Variants in DPP10 observed in about 807,000 individuals in gnomAD.
DPP10 encodes dipeptidyl peptidase like 10.
DPP10 carries 33 observed loss-of-function variants against 120.9 expected under a neutral mutation model. The ratio of observed to expected loss-of-function variants is 0.27; its 90% CI spans 0.21 to 0.37. DPP10 has a LOEUF of 0.37. Among genes scored for constraint, DPP10 ranks in the 10% least tolerant of loss-of-function variants. The pLI, the probability that DPP10 is intolerant of heterozygous loss-of-function variation, is 1.00. For missense variants in DPP10, 816 were observed against 942.8 expected, an observed-to-expected ratio of 0.87 and a Z score of 1.76; for synonymous variants, 337 against 326.1, an observed-to-expected ratio of 1.03 and a Z score of -0.36.
intron 1 of DPP10, among the ~76,000 whole-genome samples, chr2:114,624,817 A>C (rs1006610113): frequency 5.9e-5 from 9 of 151,996 alleles, no homozygotes; most frequent in Non-Finnish European, 1.2e-4. Context: ...ATAGTATAAC[A>C]ATAGGATAAT....
intron 1 of DPP10, among the ~76,000 whole-genome samples, chr2:115,188,084 A>AGAGAGC (rs1166111495): frequency 3.3e-5 from 5 of 150,960 alleles, no homozygotes; most frequent in South Asian, 2.1e-4. Flanking sequence ...AGAGAGAGAG[A>AGAGAGC]GCGCACTCAG....
chr2:115,196,805 G>A (rs1430829768), intron 1 of DPP10, among the ~76,000 whole-genome samples: 1 of 152,104 alleles, frequency 6.6e-6, no homozygotes, highest in Non-Finnish European at 1.5e-5. Flanking sequence ...GTGTGGGTGT[G>A]GTATGCAAGC....
At chr2:114,476,186 G>A (rs1680356751) in intron 1 of DPP10, among the ~76,000 whole-genome samples, 1 of 152,062 alleles carries the variant, frequency 6.6e-6, no homozygotes, top group Non-Finnish European at 1.5e-5. Flanking sequence ...ACTAATCATG[G>A]CTTTCATTTT....
intron 3 of DPP10, among the ~76,000 whole-genome samples, chr2:115,498,178 G>A (rs1342999852): frequency 6.6e-6 from 1 of 152,000 alleles, no homozygotes; most frequent in Non-Finnish European, 1.5e-5. Context: ...ATGTGATTAA[G>A]GTCAAGAACT....
At chr2:115,162,411 T>C in intron 1 of DPP10, 1 of 1,247,756 alleles carries the variant, frequency 8.0e-7, no homozygotes, top group South Asian at 1.6e-5. Flanking sequence ...TGACGGCCGC[T>C]CACCGGGTTC....
At chr2:114,810,242 T>C (rs1362663420) in intron 1 of DPP10, among the ~76,000 whole-genome samples, 1 of 152,194 alleles carries the variant, frequency 6.6e-6, no homozygotes, top group East Asian at 1.9e-4. Context: ...CTAGCTAGAG[T>C]AATAGCTACT....
chr2:114,941,178 G>A (rs1696868996), intron 1 of DPP10, among the ~76,000 whole-genome samples: 1 of 152,186 alleles, frequency 6.6e-6, no homozygotes, highest in Admixed American at 6.5e-5. Flanking sequence ...AACATGTAAT[G>A]ATGCCTGTGA....
intron 5 of DPP10, among the ~76,000 whole-genome samples, chr2:115,554,691 A>C (rs559392884): frequency 6.6e-6 from 1 of 152,202 alleles, no homozygotes; most frequent in South Asian, 2.1e-4. Flanking sequence ...ACCAACACAC[A>C]TAAGTCTTTT....
chr2:115,018,196 A>T (rs1024812735), intron 1 of DPP10, among the ~76,000 whole-genome samples: 1 of 152,222 alleles, frequency 6.6e-6, no homozygotes, highest in Non-Finnish European at 1.5e-5. Flanking sequence ...ATCATTAAAA[A>T]GTTAGGGAAC....
chr2:114,445,845 A>C (rs1677914169), intron 1 of DPP10, among the ~76,000 whole-genome samples: 1 of 152,082 alleles, frequency 6.6e-6, no homozygotes, highest in Non-Finnish European at 1.5e-5. Context: ...CGTCAAAACC[A>C]GTAAGGGAGA....
chr2:115,046,357 A>G (rs1705070322), intron 1 of DPP10, among the ~76,000 whole-genome samples: 1 of 152,208 alleles, frequency 6.6e-6, no homozygotes, highest in African/African-American at 2.4e-5. Flanking sequence ...ACACCATTTG[A>G]ATTCTTGCAG....
intron 3 of DPP10, among the ~76,000 whole-genome samples, chr2:115,486,171 T>C (rs1530689): frequency 0.51 from 77,008 of 151,894 alleles, 22,507 homozygotes; most frequent in Non-Finnish European, 0.67. Context: ...TATGTCTTTT[T>C]CTTCTATCAC....
intron 3 of DPP10, among the ~76,000 whole-genome samples, chr2:115,370,741 T>C (rs990515633): frequency 6.6e-6 from 1 of 152,090 alleles, no homozygotes; most frequent in African/African-American, 2.4e-5. Context: ...TTAGCATGTA[T>C]CAGAATCACC....
chr2:115,354,943 T>A (rs577530715), intron 3 of DPP10, among the ~76,000 whole-genome samples: 1 of 152,312 alleles, frequency 6.6e-6, no homozygotes, highest in African/African-American at 2.4e-5. Context: ...CTTCATCCAG[T>A]CTATCACTGT....
chr2:115,042,246 TAA>T (rs1482132838), intron 1 of DPP10, among the ~76,000 whole-genome samples: 1 of 152,162 alleles, frequency 6.6e-6, no homozygotes, highest in Non-Finnish European at 1.5e-5. Flanking sequence ...TTGGTCCTCA[TAA>T]ATATCTAGTG....
intron 1 of DPP10, among the ~76,000 whole-genome samples, chr2:115,088,821 GA>G (rs1421191027): frequency 7.2e-6 from 1 of 139,852 alleles, no homozygotes; most frequent in Non-Finnish European, 1.6e-5. Flanking sequence ...AAAATATAAT[GA>G]ATTTATATTA....
At chr2:115,735,032 G>A (rs1166643432) in intron 8 of DPP10, among the ~76,000 whole-genome samples, 1 of 152,176 alleles carries the variant, frequency 6.6e-6, no homozygotes, top group Non-Finnish European at 1.5e-5. Context: ...AATAGAAGCA[G>A]TGGCTTTTGG....
intron 2 of DPP10, among the ~76,000 whole-genome samples, chr2:115,320,657 A>ATG (rs1559416448): frequency 6.6e-6 from 1 of 152,038 alleles, no homozygotes; most frequent in African/African-American, 2.4e-5. Context: ...ATCTATATAT[A>ATG]TTGTGTGACC....
At chr2:115,280,549 CA>C (rs1476057203) in intron 1 of DPP10, among the ~76,000 whole-genome samples, 1 of 152,128 alleles carries the variant, frequency 6.6e-6, no homozygotes, top group Non-Finnish European at 1.5e-5. Context: ...CATAGTCATC[CA>C]ATAGTTTGCA....
Sources: allele counts gnomAD v4.1 joint callset (sites outside exome capture counted in the v4.1 genomes callset), GRCh38; gene constraint gnomAD v4.1.1; transcripts MANE v1.5; gene names NCBI Gene and HGNC (gene_info 2026-07-23, HGNC 2026-07-21).